GRIK1: variants seen among roughly 807,000 people sequenced by gnomAD.
GRIK1 encodes the protein glutamate receptor ionotropic, kainate 1.
GRIK1 carries 69 observed loss-of-function variants against 105.7 expected under a neutral mutation model. The ratio of observed to expected loss-of-function variants is 0.65; its 90% confidence interval spans 0.54 to 0.80. The LOEUF (loss-of-function observed/expected upper bound fraction) is 0.80, where lower values mean the gene tolerates loss of function less well. Ranked by LOEUF, GRIK1 falls within the 30% of genes least tolerant of loss-of-function variation. GRIK1 has a pLI of 0.00. For synonymous variants in GRIK1, 438 were observed against 431.3 expected (o/e 1.02, Z -0.19); for missense variants, 1,109 against 1,167.3 (o/e 0.95, Z 0.73).
In GRIK1 at chr21:29,939,620, C is replaced by A. The variant is rs1001549860; in HGVS notation, c.-120G>T. 1.6e-6 allele frequency: 1 copy of A among 620,858 alleles called. No individual in the cohort carries two copies. The highest frequency in any genetic ancestry group is 2.1e-5 in the South Asian group (1 of 46,874). The allele number at this position is 620,858 out of a possible 1,614,324, so 38.5% of individuals were successfully genotyped here. A position where few individuals can be genotyped will look rare whatever the true frequency, so the allele number is the denominator to read the frequency against. On this transcript the variant is annotated 5_prime_UTR_variant, in exon 1 of 18. Transcript: ENST00000327783. ...GGATGCTCCGGTTCCAAGCACGCTG[C>A]GCGCTCCCCACGGAGCGAGCTCGAG... is the stretch of plus-strand genomic sequence containing the variant.
intron 1 of GRIK1, among the ~76,000 whole-genome samples, chr21:29,762,151 T>C (rs2065542843): frequency 6.6e-6 from 1 of 152,252 alleles, no homozygotes; most frequent in Non-Finnish European, 1.5e-5. Context: ...ACAGTTTCCT[T>C]CATGCAATGC....
chr21:29,880,298 C>T (rs2069358086), intron 1 of GRIK1, among the ~76,000 whole-genome samples: 1 of 152,048 alleles, frequency 6.6e-6, no homozygotes, highest in South Asian at 2.1e-4. Flanking sequence ...CAACTCATTT[C>T]ATGTTTCTTT....
intron 1 of GRIK1, among the ~76,000 whole-genome samples, chr21:29,839,697 A>G (rs1187689606): frequency 1.3e-5 from 2 of 152,098 alleles, no homozygotes; most frequent in East Asian, 1.9e-4. Context: ...TGTTCAGACC[A>G]TATCTGGAGT....
chr21:29,596,296 A>C (rs1281563341), intron 9 of GRIK1: 2 of 660,806 alleles, frequency 3.0e-6, no homozygotes, highest in Admixed American at 4.1e-5. Flanking sequence ...TCTTGGGGGA[A>C]ATATTTAATC....
At chr21:29,800,904 G>A (rs1355411535) in intron 1 of GRIK1, among the ~76,000 whole-genome samples, 1 of 152,126 alleles carries the variant, frequency 6.6e-6, no homozygotes, top group Non-Finnish European at 1.5e-5. Flanking sequence ...GCAGCTGATG[G>A]GAGAGGGCAA....
At chr21:29,659,675 T>C (rs2062923035) in intron 4 of GRIK1, among the ~76,000 whole-genome samples, 1 of 152,050 alleles carries the variant, frequency 6.6e-6, no homozygotes, top group Non-Finnish European at 1.5e-5. Flanking sequence ...AAAAACTCAA[T>C]GCCGGCCAGG....
At position 29,673,003 on chromosome 21, in the gene GRIK1, C is replaced by T. The variant is rs2063188593; in HGVS notation, c.706G>A (p.Ala236Thr). The change falls in exon 4 of 18, where the codon GCC becomes ACC. Residue 236 changes from alanine to threonine, a missense_variant. By Grantham distance (58) the Ala-to-Thr change is moderately conservative. Transcript: ENST00000327783. ...YVIFDCSHET[A>T]AEILKQILFM... is the part of the protein sequence containing the mutation. ...CTTACCTGCTTAAGGATTTCAGCGG[C>T]TGTTTCATGTGAACAATCAAATATC... is the stretch of plus-strand genomic sequence containing the variant. The T allele has an allele frequency of 1.2e-6, 2 of 1,612,458 alleles. No homozygotes were observed. Among genetic ancestry groups the T allele is most frequent in the Non-Finnish European group, 1.7e-6 (2 of 1,179,010 alleles).
At chr21:29,729,663 G>A (rs1191069211) in intron 1 of GRIK1, among the ~76,000 whole-genome samples, 1 of 152,174 alleles carries the variant, frequency 6.6e-6, no homozygotes, top group Non-Finnish European at 1.5e-5. Context: ...GATCTAGTGA[G>A]TGTCCTGAAA....
chr21:29,644,931 T>C (rs990205636), intron 6 of GRIK1, among the ~76,000 whole-genome samples: 3 of 152,212 alleles, frequency 2.0e-5, no homozygotes, highest in Non-Finnish European at 4.4e-5. Flanking sequence ...AGAAAAAAGA[T>C]GTTAAATGGG....
intron 1 of GRIK1, among the ~76,000 whole-genome samples, chr21:29,820,677 G>A (rs1352188536): frequency 6.6e-6 from 1 of 151,498 alleles, no homozygotes; most frequent in Non-Finnish European, 1.5e-5. Context: ...CTCCCTCCTA[G>A]TGCTAATTAA....
intron 1 of GRIK1, among the ~76,000 whole-genome samples, chr21:29,699,924 C>T (rs1185583144): frequency 6.6e-6 from 1 of 152,168 alleles, no homozygotes; most frequent in Non-Finnish European, 1.5e-5. Context: ...GTTGGGATTA[C>T]AGGCGTGAGC....
In GRIK1 at chr21:29,707,781, C is replaced by CTGACTCTA. The variant is rs528928210; in HGVS notation, c.119-13726_119-13719dup. ...ACAGGCGTAAACCACCGCGCCTGGC[C>CTGACTCTA]TGACTCTATCCTATTTTCTCCTGTC... On this transcript the variant is annotated intron_variant, in intron 1 of 17. Transcript: ENST00000327783. Among the ~76,000 whole-genome samples the CTGACTCTA allele has an allele frequency of 3.5e-3, 529 of 152,188 alleles. 1 individual carries two copies. The highest frequency in any genetic ancestry group is 0.01 in the Admixed American group (154 of 15,286).
At chr21:29,715,936 A>G (rs2064166893) in intron 1 of GRIK1, among the ~76,000 whole-genome samples, 1 of 151,944 alleles carries the variant, frequency 6.6e-6, no homozygotes, top group South Asian at 2.1e-4. Context: ...CTCATCATGA[A>G]TTGTAGTTCC....
At chr21:29,671,784 G>A (rs146418515) in intron 4 of GRIK1, among the ~76,000 whole-genome samples, 30 of 152,122 alleles carry the variant, frequency 2.0e-4, no homozygotes, top group South Asian at 4.2e-4. Flanking sequence ...AGAGATGGCC[G>A]GCAGACCACA....
intron 2 of GRIK1, among the ~76,000 whole-genome samples, chr21:29,693,587 G>T (rs2063627227): frequency 6.6e-6 from 1 of 152,148 alleles, no homozygotes; most frequent in Non-Finnish European, 1.5e-5. Flanking sequence ...ACGATTTCAT[G>T]GTGGTATCTC....
At chr21:29,799,111 G>C (rs1052817808) in intron 1 of GRIK1, among the ~76,000 whole-genome samples, 1 of 152,072 alleles carries the variant, frequency 6.6e-6, no homozygotes, top group Non-Finnish European at 1.5e-5. Context: ...CAAAATAAAG[G>C]TTATCAACCC....
intron 1 of GRIK1, among the ~76,000 whole-genome samples, chr21:29,768,037 C>T (rs76511764): frequency 1.6e-3 from 249 of 152,262 alleles, no homozygotes; most frequent in African/African-American, 5.8e-3. Context: ...ACCAATCTTC[C>T]GTGCTGGAGG....
At chr21:29,901,406 C>G (rs1023865635) in intron 1 of GRIK1, among the ~76,000 whole-genome samples, 23 of 151,490 alleles carry the variant, frequency 1.5e-4, no homozygotes, top group Admixed American at 1.5e-3. Context: ...GCTAGCAAAA[C>G]TAATGAAGAA....
chr21:29,906,538 C>T (rs959672503), intron 1 of GRIK1, among the ~76,000 whole-genome samples: 1 of 151,976 alleles, frequency 6.6e-6, no homozygotes, highest in East Asian at 1.9e-4. Context: ...ATATTCAATG[C>T]CTTATTTATT....
Sources: allele counts gnomAD v4.1 joint callset (sites outside exome capture counted in the v4.1 genomes callset), GRCh38; gene constraint gnomAD v4.1.1; transcripts MANE v1.5; gene names NCBI Gene and HGNC (gene_info 2026-07-23, HGNC 2026-07-21).